Variants in MAP4K4 observed in about 807,000 individuals in gnomAD.
The protein encoded by MAP4K4 is HPK/GCK-like kinase HGK.
Under a neutral mutation model 189.6 loss-of-function variants are expected in MAP4K4, and 38 were observed. That is an observed-to-expected ratio of 0.20 (90% confidence interval 0.15 to 0.26). The LOEUF is 0.26. Ranked by LOEUF, MAP4K4 falls within the 10% of genes least tolerant of loss-of-function variation. The probability of loss-of-function intolerance (pLI) is 1.00; values close to 1 mark genes in which losing one functional copy is unlikely to be tolerated. For missense variants in MAP4K4, 1,054 were observed against 1,726.9 expected, an observed-to-expected ratio of 0.61 and a Z score of 6.91; for synonymous variants, 610 against 624.3, an observed-to-expected ratio of 0.98 and a Z score of 0.34.
At chr2:101,753,990 C>T (rs2070757288) in intron 2 of MAP4K4, among the ~76,000 whole-genome samples, 1 of 152,008 alleles carries the variant, frequency 6.6e-6, no homozygotes, top group African/African-American at 2.4e-5. Context: ...TGGCTATTTC[C>T]AGTTAAAGGA....
intron 3 of MAP4K4, among the ~76,000 whole-genome samples, chr2:101,794,070 C>T (rs776260188): frequency 1.3e-5 from 2 of 152,108 alleles, no homozygotes; most frequent in South Asian, 2.1e-4. Context: ...TTTTGAAAGG[C>T]TCTTTTTAGG....
At chr2:101,878,308 AG>A (rs1157823023) in intron 27 of MAP4K4, among the ~76,000 whole-genome samples, 17 of 152,312 alleles carry the variant, frequency 1.1e-4, no homozygotes, top group Admixed American at 8.5e-4. Flanking sequence ...ATAACTAGCC[AG>A]TTTGAACAGT....
At chr2:101,793,528 A>G (rs4305299) in intron 3 of MAP4K4, among the ~76,000 whole-genome samples, 140,225 of 151,326 alleles carry the variant, frequency 0.93, 65,097 homozygotes, top group East Asian at 1. Context: ...AGGAGGGGCT[A>G]TTGGAGCGGG....
At chr2:101,822,228 A>G (rs1184159647) in intron 3 of MAP4K4, among the ~76,000 whole-genome samples, 1 of 152,232 alleles carries the variant, frequency 6.6e-6, no homozygotes, top group Non-Finnish European at 1.5e-5. Flanking sequence ...TATGTGCAAT[A>G]ATTTTATACA....
intron 2 of MAP4K4, among the ~76,000 whole-genome samples, chr2:101,705,040 G>A (rs1172081591): frequency 6.6e-6 from 1 of 152,106 alleles, no homozygotes; most frequent in African/African-American, 2.4e-5. Flanking sequence ...TGATTCATTG[G>A]GAGGTAGTTT....
chr2:101,782,227 C>T (rs2087987234), intron 2 of MAP4K4, among the ~76,000 whole-genome samples: 1 of 152,134 alleles, frequency 6.6e-6, no homozygotes, highest in Admixed American at 6.5e-5. Context: ...TGCAAAATGA[C>T]TCATTTATTG....
chr2:101,875,781 T>C (rs141196677), intron 26 of MAP4K4, among the ~76,000 whole-genome samples: 151 of 152,288 alleles, frequency 9.9e-4, no homozygotes, highest in Admixed American at 1.6e-3. Context: ...CAAGAGCATT[T>C]GGGGAAATAC....
intron 2 of MAP4K4, among the ~76,000 whole-genome samples, chr2:101,781,833 A>G (rs1377522135): frequency 2.0e-5 from 3 of 152,110 alleles, no homozygotes; most frequent in African/African-American, 4.8e-5. Context: ...CTTCTCTAAC[A>G]TAGAGGTGAT....
At chr2:101,785,973 C>T (rs2091018120) in intron 2 of MAP4K4, among the ~76,000 whole-genome samples, 3 of 152,076 alleles carry the variant, frequency 2.0e-5, no homozygotes, top group African/African-American at 4.8e-5. Context: ...TTATAGGCGC[C>T]CGCCACCATG....
chr2:101,751,120 G>T (rs2068722205), intron 2 of MAP4K4, among the ~76,000 whole-genome samples: 2 of 152,100 alleles, frequency 1.3e-5, no homozygotes, highest in Admixed American at 1.3e-4. Flanking sequence ...AGTATGATGG[G>T]GTTTTAATAA....
chr2:101,838,301 T>C (rs977038628), intron 9 of MAP4K4, among the ~76,000 whole-genome samples: 3 of 152,218 alleles, frequency 2.0e-5, no homozygotes, highest in Admixed American at 6.5e-5. Context: ...GGACATTGGG[T>C]CTTAGAACTA....
At chr2:101,804,729 A>G (rs1018155505) in intron 3 of MAP4K4, among the ~76,000 whole-genome samples, 4 of 152,170 alleles carry the variant, frequency 2.6e-5, no homozygotes, top group Non-Finnish European at 5.9e-5. Flanking sequence ...CTTTGTCTAT[A>G]TGAGCACTGA....
At chr2:101,864,795 G>A (rs1050911219) in intron 17 of MAP4K4, 135 bp from the exon 18 acceptor site, 2 of 626,298 alleles carry the variant, frequency 3.2e-6, no homozygotes, top group Non-Finnish European at 5.8e-6. Flanking sequence ...GGAAGGAGTT[G>A]GGGTGGGGAG....
intron 3 of MAP4K4, among the ~76,000 whole-genome samples, chr2:101,801,195 A>C (rs989573936): frequency 1.3e-5 from 2 of 152,042 alleles, no homozygotes; most frequent in Non-Finnish European, 2.9e-5. Flanking sequence ...TCTTGCTTCC[A>C]TTCCCTGTAA....
intron 27 of MAP4K4, among the ~76,000 whole-genome samples, chr2:101,877,476 CTTTTT>C (rs571878053): frequency 7.5e-6 from 1 of 132,836 alleles, no homozygotes. Context: ...TTCCACCAGA[CTTTTT>C]TTTTTTTTTT....
chr2:101,711,793 G>A (rs934623956), intron 2 of MAP4K4, among the ~76,000 whole-genome samples: 11 of 151,900 alleles, frequency 7.2e-5, no homozygotes, highest in African/African-American at 2.2e-4. Context: ...TGTATTAGAC[G>A]TTTCATTAGT....
chr2:101,864,242 C>T (rs1210016830), intron 17 of MAP4K4, among the ~76,000 whole-genome samples, 191 bp downstream of exon 17: 3 of 152,024 alleles, frequency 2.0e-5, no homozygotes, highest in African/African-American at 7.3e-5. Flanking sequence ...GGTCAGTTAG[C>T]GTTTTATTTT....
At chr2:101,735,904 C>G (rs2060109440) in intron 2 of MAP4K4, among the ~76,000 whole-genome samples, 1 of 152,166 alleles carries the variant, frequency 6.6e-6, no homozygotes, top group African/African-American at 2.4e-5. Context: ...CTGACAGATA[C>G]TCTCAGGATG....
chr2:101,859,853 C>G (rs751991039), exon 15 of MAP4K4: 2 of 1,602,564 alleles, frequency 1.2e-6, no homozygotes, highest in East Asian at 2.3e-5. Context: ...GCCTGCTGAC[C>G]GAGCGCGAGA....
Sources: allele counts gnomAD v4.1 joint callset (sites outside exome capture counted in the v4.1 genomes callset), GRCh38; gene constraint gnomAD v4.1.1; transcripts MANE v1.5; gene names NCBI Gene and HGNC (gene_info 2026-07-23, HGNC 2026-07-21).